The following DNMBP variants were observed in gnomAD, a reference collection of about 807,000 sequenced individuals.
The protein encoded by DNMBP is dynamin binding protein, also known as dynamin-binding protein.
DNMBP carries 87 observed loss-of-function variants against 150.0 expected under a neutral mutation model. That is an observed-to-expected ratio of 0.58 (90% CI 0.49 to 0.69). The LOEUF (loss-of-function observed/expected upper bound fraction) is 0.69. DNMBP is among the 30% of genes least tolerant of loss of function. DNMBP has a pLI of 0.00. For missense variants in DNMBP, 1,774 were observed against 1,949.0 expected, an observed-to-expected ratio of 0.91 and a Z score of 1.69; for synonymous variants, 711 against 750.4, an observed-to-expected ratio of 0.95 and a Z score of 0.86.
At chr10:99,950,037 T>G (rs1407127170) in intron 4 of DNMBP, among the ~76,000 whole-genome samples, 1 of 152,154 alleles carries the variant, frequency 6.6e-6, no homozygotes, top group Non-Finnish European at 1.5e-5. Context: ...CCCACCCAAA[T>G]CCCATCTTGA....
At chr10:99,889,211 C>A in intron 11 of DNMBP, 2 of 309,152 alleles carry the variant, frequency 6.5e-6, no homozygotes, top group Non-Finnish European at 6.0e-6. Context: ...CCCTATGTCC[C>A]TAATAGGGTT....
intron 1 of DNMBP, among the ~76,000 whole-genome samples, chr10:100,006,974 C>T (rs191137172): frequency 7.2e-5 from 11 of 152,074 alleles, no homozygotes; most frequent in Non-Finnish European, 1.3e-4. Context: ...ATTGGCCCAG[C>T]GTGGTGATAT....
At chr10:99,994,894 C>T (rs1308965031) in intron 1 of DNMBP, among the ~76,000 whole-genome samples, 1 of 152,034 alleles carries the variant, frequency 6.6e-6, no homozygotes, top group African/African-American at 2.4e-5. Context: ...ATTTTCCACA[C>T]CCAACTAGGA....
At chr10:99,924,471 GAAAACAA>G (rs749733074) in intron 4 of DNMBP, among the ~76,000 whole-genome samples, 1 of 152,072 alleles carries the variant, frequency 6.6e-6, no homozygotes, top group Non-Finnish European at 1.5e-5. Context: ...AAACAAAAAA[GAAAACAA>G]AAAACCTGGT....
chr10:99,887,761 A>G (rs1356125496), intron 12 of DNMBP, among the ~76,000 whole-genome samples: 1 of 152,176 alleles, frequency 6.6e-6, no homozygotes, highest in Non-Finnish European at 1.5e-5. Flanking sequence ...TTTTTTCTAC[A>G]AGGGATTAAA....
intron 1 of DNMBP, among the ~76,000 whole-genome samples, chr10:99,981,944 T>TC (rs1486044721): frequency 6.6e-6 from 1 of 152,136 alleles, no homozygotes; most frequent in African/African-American, 2.4e-5. Context: ...AACCATTCCA[T>TC]CCCCCACCTC....
intron 4 of DNMBP, among the ~76,000 whole-genome samples, chr10:99,940,385 T>G (rs1186034112): frequency 2.0e-5 from 3 of 152,130 alleles, no homozygotes; most frequent in African/African-American, 7.2e-5. Flanking sequence ...CCCTGCTACC[T>G]GCCTGTGAAC....
intron 2 of DNMBP, among the ~76,000 whole-genome samples, chr10:99,970,142 C>A (rs1388890653): frequency 6.6e-6 from 1 of 152,160 alleles, no homozygotes; most frequent in African/African-American, 2.4e-5. Flanking sequence ...ATCCTCTCTG[C>A]CTACCATCTT....
intron 1 of DNMBP, among the ~76,000 whole-genome samples, chr10:100,005,687 G>A (rs2041060780): frequency 1.3e-5 from 2 of 149,920 alleles, no homozygotes; most frequent in African/African-American, 4.9e-5. Context: ...CCGGGAGGCG[G>A]AGGCTGCAGT....
intron 1 of DNMBP, among the ~76,000 whole-genome samples, chr10:99,994,241 C>T (rs1409156910): frequency 6.6e-6 from 1 of 152,162 alleles, no homozygotes; most frequent in Non-Finnish European, 1.5e-5. Flanking sequence ...ACTTTAGTTT[C>T]CTCATCTGTA....
intron 1 of DNMBP, among the ~76,000 whole-genome samples, chr10:100,005,484 TGGTTCATA>T (rs1161590215): frequency 1.2e-4 from 18 of 152,140 alleles, no homozygotes; most frequent in African/African-American, 4.1e-4. Context: ...CCTGGCATGG[TGGTTCATA>T]CCTGTAATCC....
chr10:99,991,962 G>T (rs2040898459), intron 1 of DNMBP, among the ~76,000 whole-genome samples: 1 of 149,102 alleles, frequency 6.7e-6, no homozygotes, highest in South Asian at 2.1e-4. Context: ...GTTAAGCTGG[G>T]AGCAGTAGCA....
At chr10:99,886,007 C>T in intron 13 of DNMBP, 141 bp from the exon 14 acceptor site, 1 of 901,038 alleles carries the variant, frequency 1.1e-6, no homozygotes. Context: ...AGCTGCAGCT[C>T]ATTCTCTGAG....
rs763959740 is a variant in DNMBP at position 99,956,879 on chromosome 10, C to A, written c.595G>T (p.Val199Leu). 6.2e-7 allele frequency: 1 copy of A among 1,614,224 alleles called. No individual in the cohort carries two copies. Among genetic ancestry groups the A allele is most frequent in the Non-Finnish European group, 8.5e-7 (1 of 1,180,046 alleles). The change falls in exon 4 of 17, where the codon GTA becomes TTA. Residue 199 changes from valine to leucine, a missense_variant. Val to Leu is a conservative substitution (Grantham distance 32, BLOSUM62 1). Around this residue, in one of 2 missense-constraint regions of DNMBP, gnomAD observed 344 missense variants for 456.6 expected, o/e 0.75. Coordinates refer to ENST00000324109, the MANE Select transcript of DNMBP (RefSeq NM_015221.4). ...GRRGIFPEGF[V>L]ELLGPLRTVD... Reference sequence around the variant, plus strand: ...GTCCTCAGGGGCCCCAACAGCTCTACAAAACCTTCTGGAAAAATGCCTCTT... The same window carrying A: ...GTCCTCAGGGGCCCCAACAGCTCTAAAAAACCTTCTGGAAAAATGCCTCTT...
intron 4 of DNMBP, among the ~76,000 whole-genome samples, chr10:99,936,083 TTAATC>T (rs774962817): frequency 2.0e-5 from 3 of 152,180 alleles, no homozygotes; most frequent in Non-Finnish European, 4.4e-5. Context: ...AAGATTAACT[TTAATC>T]TAACTGTAAG....
intron 4 of DNMBP, chr10:99,930,900 G>C (rs11190327): frequency 2.7e-5 from 15 of 555,170 alleles, no homozygotes; most frequent in East Asian, 2.7e-4. Flanking sequence ...CACTCTTCTC[G>C]TTGCTCTAGT....
chr10:99,918,885 A>G (rs2133263069), intron 4 of DNMBP, among the ~76,000 whole-genome samples: 1 of 152,342 alleles, frequency 6.6e-6, no homozygotes, highest in East Asian at 1.9e-4. Flanking sequence ...TGATAATCTT[A>G]AAACTGTGGG....
rs896270255 is a variant in DNMBP at position 99,879,869 on chromosome 10, G to A, written c.4490C>T (p.Ala1497Val). ...QDLVKGCART[A>V]QAPEDRSTEP... is the part of the protein sequence containing the mutation. ...TGTACTTCTGTCTTCCGGAGCCTGG[G>A]CTGTTCTTGCACATCCTTTGACGAG... Residue 1497 changes from alanine (A) to valine (V), a missense_variant, in exon 16 of 17, where the codon GCC (alanine) becomes GTC (valine). Physicochemically the swap from Ala to Val is moderately conservative, Grantham distance 64 (BLOSUM62 0). Around this residue, in one of 2 missense-constraint regions of DNMBP, gnomAD observed 1,430 missense variants for 1,492.5 expected, o/e 0.96. Transcript: ENST00000324109. 6.2e-7 allele frequency: 1 copy of A among 1,614,246 alleles called. No homozygotes were observed. The highest frequency in any genetic ancestry group is 1.3e-5 in the African/African-American group (1 of 75,060).
intron 3 of DNMBP, among the ~76,000 whole-genome samples, chr10:99,964,678 T>C (rs999228620): frequency 3.3e-5 from 5 of 151,304 alleles, no homozygotes; most frequent in African/African-American, 1.2e-4. Context: ...CGAGACCAGC[T>C]TGGCCAAAAT....
Sources: gnomAD v4.1 joint callset for allele counts (sites outside exome capture counted in the v4.1 genomes callset) on GRCh38, gnomAD v4.1.1 for gene constraint, gnomAD v4.1.1 regional missense constraint, MANE v1.5 for transcripts, NCBI Gene and HGNC (gene_info 2026-07-23, HGNC 2026-07-21) for gene names.